Variants in DMD observed in about 807,000 individuals in gnomAD.
DMD encodes the protein mutant dystrophin.
In DMD, 63 loss-of-function variants were observed where a neutral mutation model predicts 330.1. The ratio of observed to expected loss-of-function variants is 0.19; its 90% confidence interval spans 0.16 to 0.24. DMD has a LOEUF of 0.24. DMD is among the 10% of genes least tolerant of loss of function. The pLI is 1.00. For missense variants in DMD, 3,344 were observed against 2,684.1 expected, an observed-to-expected ratio of 1.25 and a Z score of -5.43; for synonymous variants, 1,223 against 959.8, an observed-to-expected ratio of 1.27 and a Z score of -5.07.
At chrX:31,178,199 C>T (rs753011275) in intron 70 of DMD, 308 of 752,379 alleles carry the variant, frequency 4.1e-4, no homozygotes, top group Non-Finnish European at 4.5e-4. Flanking sequence ...AAGACGTCCC[C>T]TTTGATCTTG....
chrX:32,717,548 T>G (rs2065857422), intron 7 of DMD, among the ~76,000 whole-genome samples: 1 of 111,580 alleles, frequency 9.0e-6, no homozygotes, highest in Non-Finnish European at 1.9e-5. Flanking sequence ...GGAGCCTGCA[T>G]AGAGAACCTC....
At chrX:33,197,540 T>C (rs895725303) in intron 1 of DMD, among the ~76,000 whole-genome samples, 1 of 111,655 alleles carries the variant, frequency 9.0e-6, no homozygotes, top group Middle Eastern at 4.6e-3. Context: ...AGCAGGTCCA[T>C]CACCACAAGG....
chrX:32,760,404 T>C (rs2072120890), intron 7 of DMD, among the ~76,000 whole-genome samples: 1 of 111,995 alleles, frequency 8.9e-6, no homozygotes, highest in South Asian at 3.8e-4. Context: ...AGGGCAAATA[T>C]CTGCCCTACT....
chrX:32,731,771 T>C (rs1337084850), intron 7 of DMD, among the ~76,000 whole-genome samples: 1 of 111,789 alleles, frequency 8.9e-6, no homozygotes, highest in Non-Finnish European at 1.9e-5. Context: ...GACGTCACCA[T>C]CATCAAAGTC....
chrX:33,187,969 T>C (rs1228276867), intron 1 of DMD, among the ~76,000 whole-genome samples: 2 of 111,726 alleles, frequency 1.8e-5, no homozygotes, highest in African/African-American at 6.5e-5. Flanking sequence ...GGTCCTCTTA[T>C]ACCATAGATT....
intron 44 of DMD, among the ~76,000 whole-genome samples, chrX:32,127,965 C>A (rs1276327737): frequency 8.9e-6 from 1 of 112,085 alleles, no homozygotes; most frequent in African/African-American, 3.2e-5. Context: ...CCAGTTATGT[C>A]CATTATCCAT....
At chrX:31,517,123 C>T (rs908112155) in intron 55 of DMD, among the ~76,000 whole-genome samples, 1 of 111,441 alleles carries the variant, frequency 9.0e-6, no homozygotes. Context: ...CAAAAATTCC[C>T]GAATATTTAT....
At chrX:31,605,269 C>T (rs1272730874) in intron 55 of DMD, among the ~76,000 whole-genome samples, 1 of 111,791 alleles carries the variant, frequency 8.9e-6, no homozygotes, top group Admixed American at 9.5e-5. Context: ...TTGTTGTATA[C>T]TCCATCATTC....
In DMD at chrX:32,631,278, C is replaced by A. The variant is rs538145032; in HGVS notation, c.1331+12854G>T. Among the ~76,000 whole-genome samples the A allele has an allele frequency of 6.3e-5, 7 of 111,625 alleles. No individual in the cohort carries two copies. In the South Asian group the frequency reaches 2.7e-3, roughly 43 times the overall value. ...ACGACTAGGATTGTGTTGGGTCACTCCTAAAGCCAGTACAACACTGGGTCT... is the reference window on the plus strand; with the variant it reads ...ACGACTAGGATTGTGTTGGGTCACTACTAAAGCCAGTACAACACTGGGTCT... On this transcript the variant is annotated intron_variant, in intron 11 of 78. Transcript: ENST00000357033.
intron 5 of DMD, among the ~76,000 whole-genome samples, chrX:32,818,360 A>C (rs902812737): frequency 9.0e-6 from 1 of 111,484 alleles, no homozygotes; most frequent in African/African-American, 3.3e-5. Flanking sequence ...GCTTCTACTT[A>C]GGTGCAAATG....
intron 7 of DMD, among the ~76,000 whole-genome samples, chrX:32,795,837 C>T (rs1490622601): frequency 1.8e-5 from 2 of 111,376 alleles, no homozygotes; most frequent in African/African-American, 3.3e-5. Context: ...AAATGACCAA[C>T]GGGTATATGA....
At chrX:32,406,837 T>C (rs1231378463) in intron 30 of DMD, among the ~76,000 whole-genome samples, 3 of 111,558 alleles carry the variant, frequency 2.7e-5, no homozygotes, top group African/African-American at 9.8e-5. Context: ...TACAACTATC[T>C]GATCTTTGAC....
intron 29 of DMD, among the ~76,000 whole-genome samples, chrX:32,420,401 G>A (rs1425795912): frequency 8.9e-6 from 1 of 111,761 alleles, no homozygotes; most frequent in African/African-American, 3.3e-5. Context: ...GAAAAGATGA[G>A]AAGTCAAAAT....
rs768147102 is a variant in DMD at position 32,070,815 on chromosome X, T to TG, written c.6439-102302dup. Among the ~76,000 whole-genome samples the TG allele has an allele frequency of 4.5e-5, 5 of 110,498 alleles. No individual in the cohort carries two copies. The East Asian group carries it at 1.4e-3, about 32-fold the overall frequency. The stretch of plus-strand genomic sequence containing the variant: ...AATGATACAATGGGCTTTGGAGACT[T>TG]GGGGGGTAGAAAAGGGGTGCCGAGG... On this transcript the variant is annotated intron_variant, in intron 44 of 78. Coordinates refer to ENST00000357033, the MANE Select transcript of DMD (RefSeq NM_004006.3).
intron 9 of DMD, among the ~76,000 whole-genome samples, chrX:32,696,262 A>G (rs1403567731): frequency 8.9e-6 from 1 of 111,928 alleles, no homozygotes; most frequent in Non-Finnish European, 1.9e-5. Context: ...CTTTTGAAAT[A>G]AATGTTCTTA....
chrX:32,297,583 T>C (rs751934621), intron 42 of DMD, among the ~76,000 whole-genome samples: 2 of 111,817 alleles, frequency 1.8e-5, no homozygotes, highest in African/African-American at 6.5e-5. Flanking sequence ...GAGACAGTCA[T>C]ATATTATATC....
intron 12 of DMD, among the ~76,000 whole-genome samples, chrX:32,604,226 T>C (rs969114104): frequency 2.7e-5 from 3 of 110,096 alleles, no homozygotes; most frequent in Non-Finnish European, 3.8e-5. Context: ...TAACACAATA[T>C]ATGTTTTGTG....
chrX:31,745,114 G>C (rs761960192), intron 51 of DMD, among the ~76,000 whole-genome samples: 1 of 111,921 alleles, frequency 8.9e-6, no homozygotes, highest in Non-Finnish European at 1.9e-5. Context: ...TGCCATAGAG[G>C]AACAGCAACA....
intron 16 of DMD, among the ~76,000 whole-genome samples, chrX:32,555,910 G>A (rs748762766): frequency 1.5e-4 from 17 of 111,752 alleles, no homozygotes; most frequent in Non-Finnish European, 2.8e-4. Context: ...ATAGGCATGG[G>A]CAAAGGTTTC....
Sources: gnomAD v4.1 joint callset for allele counts (sites outside exome capture counted in the v4.1 genomes callset) on GRCh38, gnomAD v4.1.1 for gene constraint, MANE v1.5 for transcripts, NCBI Gene and HGNC (gene_info 2026-07-23, HGNC 2026-07-21) for gene names.